MTCH1: variants seen among roughly 807,000 people sequenced by gnomAD.
MTCH1 encodes the protein mitochondrial carrier 1.
MTCH1 carries 23 observed loss-of-function variants against 49.3 expected under a neutral mutation model. That is an observed-to-expected ratio of 0.47 (90% CI 0.34 to 0.66). The LOEUF (loss-of-function observed/expected upper bound fraction) is 0.66. Ranked by LOEUF, MTCH1 falls within the 30% of genes least tolerant of loss-of-function variation. The pLI is 0.01. For synonymous variants in MTCH1, 229 were observed against 215.2 expected, an observed-to-expected ratio of 1.06 and a Z score of -0.56; for missense variants, 397 against 532.1, an observed-to-expected ratio of 0.75 and a Z score of 2.50.
chr6:36,973,302 C>T (rs554749780), intron 7 of MTCH1, among the ~76,000 whole-genome samples: 32 of 152,232 alleles, frequency 2.1e-4, no homozygotes, highest in Middle Eastern at 3.4e-3. Flanking sequence ...CTATAAACTG[C>T]TAAGGAAGGT....
chr6:36,981,511 G>A, intron 2 of MTCH1, 77 bp downstream of exon 2: 9 of 1,402,468 alleles, frequency 6.4e-6, no homozygotes, highest in Non-Finnish European at 8.9e-6. Context: ...GAGTTCCCCG[G>A]GGCCAGCTGG....
chr6:36,984,376 T>A (rs1764217542), intron 1 of MTCH1, among the ~76,000 whole-genome samples: 1 of 152,200 alleles, frequency 6.6e-6, no homozygotes, highest in Non-Finnish European at 1.5e-5. Flanking sequence ...GTCAGGCACC[T>A]TGATGCCCCT....
chr6:36,970,021 C>T lies in MTCH1; in HGVS notation c.1098+18G>A, dbSNP rs76726624. On this transcript the variant is annotated intron_variant, in intron 11 of 11. Coordinates refer to ENST00000373627, the MANE Select transcript of MTCH1 (RefSeq NM_001271641.2). ...AGCAAAGAACAGGAAAGGCCTCCGC[C>T]GTCCAGTGCTTGCTCACCTGCACAC... 2.2e-3 allele frequency: 3,526 copies of T among 1,613,774 alleles called. 61 individuals carry two copies. In the African/African-American group the frequency reaches 0.039, roughly 18 times the overall value.
intron 1 of MTCH1, among the ~76,000 whole-genome samples, chr6:36,984,998 C>A (rs1002931599): frequency 1.3e-5 from 2 of 151,986 alleles, no homozygotes; most frequent in African/African-American, 4.8e-5. Flanking sequence ...CCCCCTTCCC[C>A]GCTTAAAGCC....
chr6:36,975,720 G>T lies in MTCH1; in HGVS notation c.702-3C>A. 1 of 1,613,928 alleles carries T rather than the reference G, an allele frequency of 6.2e-7. No individual in the cohort carries two copies. The highest frequency in any genetic ancestry group is 1.3e-5 in the African/African-American group (1 of 75,050). On this transcript the variant is annotated splice_region_variant and splice_polypyrimidine_tract_variant and intron_variant, in intron 6 of 11. Transcript: ENST00000373627. ...TCCCAATGGAGCTCAGCACACCACT[G>T]TGAAGAAGGCAAGACAGAGATACAG...
At chr6:36,969,944 T>A in intron 11 of MTCH1, 95 bp downstream of exon 11, 1 of 1,560,846 alleles carries the variant, frequency 6.4e-7, no homozygotes, top group Non-Finnish European at 8.7e-7. Flanking sequence ...ATGAAACCAC[T>A]TATCTTTGCA....
chr6:36,972,258 G>A lies in MTCH1; in HGVS notation c.906+394C>T, dbSNP rs528642786. On this transcript the variant is annotated intron_variant, in intron 8 of 11. Transcript: ENST00000373627. The surrounding 1 kb of genome is among the most constrained non-coding windows in gnomAD (Gnocchi z 4.1). ...CTGTTCCCTTCACAACTAGGATGCCGTCAGATCAAAGGCCATAACGTTCAC... is the reference window on the plus strand; with the variant it reads ...CTGTTCCCTTCACAACTAGGATGCCATCAGATCAAAGGCCATAACGTTCAC... Among the ~76,000 whole-genome samples, 8 of 152,196 alleles carry A rather than the reference G, an allele frequency of 5.3e-5. No individual in the cohort carries two copies. Among genetic ancestry groups the A allele is most frequent in the South Asian group, 2.1e-4 (1 of 4,822 alleles).
At chr6:36,969,298 G>C (rs1763588765) in intron 11 of MTCH1, 1 of 985,338 alleles carries the variant, frequency 1.0e-6, no homozygotes, top group African/African-American at 1.7e-5. Flanking sequence ...CACTCACGCT[G>C]ACCAGGGCCA....
At chr6:36,980,182 A>G (rs1764035861) in intron 2 of MTCH1, among the ~76,000 whole-genome samples, 1 of 152,226 alleles carries the variant, frequency 6.6e-6, no homozygotes, top group Non-Finnish European at 1.5e-5. Flanking sequence ...GATTAAAGCT[A>G]CATTTATATA....
intron 6 of MTCH1, among the ~76,000 whole-genome samples, chr6:36,975,945 G>A (rs959208360): frequency 1.3e-5 from 2 of 152,196 alleles, no homozygotes; most frequent in Non-Finnish European, 2.9e-5. Flanking sequence ...CCACCCATGG[G>A]AGCAGCCCAC....
intron 1 of MTCH1, among the ~76,000 whole-genome samples, chr6:36,985,366 C>T (rs1367019280): frequency 2.0e-5 from 3 of 151,744 alleles, no homozygotes; most frequent in Non-Finnish European, 4.4e-5. Flanking sequence ...CCTCCGTTCC[C>T]CTCTACCCCA....
intron 11 of MTCH1, chr6:36,969,532 G>A (rs544160931): frequency 1.2e-5 from 13 of 1,128,790 alleles, no homozygotes; most frequent in Middle Eastern, 4.2e-4. Context: ...TACAGAACAC[G>A]AGAACCCAAG....
In MTCH1 at chr6:36,972,035, A is replaced by G. The variant is rs1486908056; in HGVS notation, c.906+617T>C. Among the ~76,000 whole-genome samples the G allele has an allele frequency of 6.6e-6, 1 of 152,122 alleles. No homozygotes were observed. Among genetic ancestry groups the G allele is most frequent in the African/African-American group, 2.4e-5 (1 of 41,414 alleles). The stretch of plus-strand genomic sequence containing the variant: ...TAGGCTGTGTAGACCACAGCTAACA[A>G]AATAGGAGGGTGTATCGGACTGTAC... On this transcript the variant is annotated intron_variant, in intron 8 of 11. Transcript: ENST00000373627. This position sits in a 1 kb window ranked among gnomAD's most constrained non-coding sequence, Gnocchi z 4.1.
In MTCH1 at chr6:36,977,753, A is replaced by T. The variant is rs772510102; in HGVS notation, c.592-62T>A. The T allele has an allele frequency of 6.2e-6, 9 of 1,453,968 alleles. No homozygotes were observed. Among genetic ancestry groups the T allele is most frequent in the Non-Finnish European group, 7.6e-6 (8 of 1,057,482 alleles). The allele number at this position is 1,453,968 out of a possible 1,614,324, so 90.1% of individuals were successfully genotyped here. A position where few individuals can be genotyped will look rare whatever the true frequency, so the allele number is the denominator to read the frequency against. On this transcript the variant is annotated intron_variant, in intron 4 of 11. Coordinates refer to ENST00000373627, the MANE Select transcript of MTCH1 (RefSeq NM_001271641.2). The surrounding 1 kb of genome is among the most constrained non-coding windows in gnomAD (Gnocchi z 5.4). ...GGCCTGTCTCTGGAACTGGCCCTCG[A>T]GGGGAGCTACAAGTGCTCAGGAGGG...
rs1763723846 is a variant in MTCH1, at chr6:36,972,658, A to C, written c.900T>G (p.Gly300=). 2 of 1,550,456 alleles carry C rather than the reference A, an allele frequency of 1.3e-6. No homozygotes were observed. Among genetic ancestry groups the C allele is most frequent in the African/African-American group, 1.4e-5 (1 of 73,006 alleles). Residue 300 remains glycine (G), a synonymous_variant, in exon 8 of 12, where the codon GGT becomes GGG. Coordinates refer to ENST00000373627, the MANE Select transcript of MTCH1 (RefSeq NM_001271641.2). This position sits in a 1 kb window ranked among gnomAD's most constrained non-coding sequence, Gnocchi z 4.1. ...AGTCCTTGTTCCAACCAACCTGGGA[A>C]CCTGGATTCTGGTCGTTTCCCAGCC... The part of the protein sequence containing the change: ...PGGLGNDQNP[G]SQFSQALAIR...
In MTCH1 at chr6:36,968,806, G is replaced by C; in HGVS notation, c.*97C>G. The C allele has an allele frequency of 5.1e-6, 8 of 1,562,112 alleles. No homozygotes were observed. The highest frequency in any genetic ancestry group is 7.0e-6 in the Non-Finnish European group (8 of 1,137,540). ...GCCCGGCTGGGCTGGAGCACATCTG[G>C]TTGTTGTTGGGTTGGAGTCGTCTTG... On this transcript the variant is annotated 3_prime_UTR_variant, in exon 12 of 12. Transcript: ENST00000373627.
chr6:36,972,112 A>G lies in MTCH1; in HGVS notation c.906+540T>C, dbSNP rs1445922381. On this transcript the variant is annotated intron_variant, in intron 8 of 11. Transcript: ENST00000373627. The surrounding 1 kb of genome is among the most constrained non-coding windows in gnomAD (Gnocchi z 4.1). ...AGAGGAATGCACCCTTGGCCTGGCC[A>G]GGGATCTAATTCCAGCCCTGTCAGT... Among the ~76,000 whole-genome samples, 1 of 152,198 alleles carries G rather than the reference A, an allele frequency of 6.6e-6. No homozygotes were observed. The highest frequency in any genetic ancestry group is 6.5e-5 in the Admixed American group (1 of 15,290).
chr6:36,969,906 C>G (rs41272204), intron 11 of MTCH1, 133 bp downstream of exon 11: 62,924 of 1,548,266 alleles, frequency 0.041, 1,447 homozygotes, highest in Non-Finnish European at 0.044. Flanking sequence ...TTATAGATAC[C>G]AAGTATCTCC....
At position 36,982,470 on chromosome 6, in the gene MTCH1, C is replaced by T. The variant is rs1764133401; in HGVS notation, c.322-798G>A. On this transcript the variant is annotated intron_variant, in intron 1 of 11. Coordinates refer to ENST00000373627, the MANE Select transcript of MTCH1 (RefSeq NM_001271641.2). This position sits in a 1 kb window ranked among gnomAD's most constrained non-coding sequence, Gnocchi z 4.1. ...CTCAGCTCACCGCAACCTCCACCTC[C>T]TCCACCTCCCGGGTTCAAGTGATTC... Among the ~76,000 whole-genome samples the T allele has an allele frequency of 6.6e-6, 1 of 152,132 alleles. No individual in the cohort carries two copies. The highest frequency in any genetic ancestry group is 6.5e-5 in the Admixed American group (1 of 15,276).
Sources: allele counts gnomAD v4.1 joint callset (sites outside exome capture counted in the v4.1 genomes callset), GRCh38; gene constraint gnomAD v4.1.1; non-coding constraint Gnocchi (gnomAD v3.1); transcripts MANE v1.5; gene names NCBI Gene and HGNC (gene_info 2026-07-23, HGNC 2026-07-21).